Variants in GSE1 observed in about 807,000 individuals in gnomAD.
The protein encoded by GSE1 is genetic suppressor element 1.
GSE1 carries 32 observed loss-of-function variants against 112.6 expected under a neutral mutation model. The ratio of observed to expected loss-of-function variants is 0.28; its 90% CI spans 0.21 to 0.38. The LOEUF (loss-of-function observed/expected upper bound fraction) is 0.38, where lower values mean the gene tolerates loss of function less well. Ranked by LOEUF, GSE1 falls within the 10% of genes least tolerant of loss-of-function variation. GSE1 has a pLI of 1.00. For missense variants in GSE1, 2,348 were observed against 1,699.2 expected, an observed-to-expected ratio of 1.38 and a Z score of -6.71; for synonymous variants, 1,115 against 735.6, an observed-to-expected ratio of 1.52 and a Z score of -8.35.
intron 1 of GSE1, among the ~76,000 whole-genome samples, chr16:85,601,270 G>C (rs76955545): frequency 6.6e-6 from 1 of 151,906 alleles, no homozygotes; most frequent in East Asian, 1.9e-4. Flanking sequence ...GAGAGGTGCC[G>C]TGTGAGGGGT....
intron 1 of GSE1, among the ~76,000 whole-genome samples, chr16:85,234,859 A>G (rs190619018): frequency 0.01 from 1,572 of 152,258 alleles, 20 homozygotes; most frequent in African/African-American, 0.036. Context: ...CTGGGGGATT[A>G]GAAGGCATCT....
chr16:85,647,674 C>T (rs2050989944), intron 2 of GSE1, among the ~76,000 whole-genome samples: 1 of 152,162 alleles, frequency 6.6e-6, no homozygotes, highest in Non-Finnish European at 1.5e-5. Flanking sequence ...AGAACCTCCG[C>T]CTCCCGGGTT....
upstream of GSE1, chr16:85,611,369 C>T (rs1371470774): frequency 3.5e-6 from 2 of 579,374 alleles, no homozygotes; most frequent in Admixed American, 6.4e-5. Context: ...ATCCGCCGGC[C>T]AGTGCGGGTA....
chr16:85,215,753 C>CT (rs1228293810), intron 1 of GSE1, among the ~76,000 whole-genome samples: 2 of 152,132 alleles, frequency 1.3e-5, no homozygotes, highest in South Asian at 2.1e-4. Flanking sequence ...AGCACACATT[C>CT]TGGGGGGGTG....
Position 85,657,514 on chromosome 16 carries a change from A to T in GSE1, c.1550A>T (p.Glu517Val). Residue 517 changes from glutamate (E) to valine (V), a missense_variant, in exon 8 of 16, where the codon GAG becomes GTG. By Grantham distance (121) the Glu-to-Val change is moderately radical. Transcript: ENST00000253458. ...GAGGACCGGCAGTCTCAGGTGTCCG[A>T]GTTCCGGCAGCAGGTGCTGGAGCAG... ...EKEDRQSQVS[E>V]FRQQVLEQHL... 1 of 1,605,276 alleles carries T rather than the reference A, an allele frequency of 6.2e-7. No individual in the cohort carries two copies. Among genetic ancestry groups the T allele is most frequent in the Non-Finnish European group, 8.5e-7 (1 of 1,176,468 alleles).
intron 1 of GSE1, among the ~76,000 whole-genome samples, chr16:85,624,300 G>A (rs1487824184): frequency 6.6e-6 from 1 of 152,212 alleles, no homozygotes; most frequent in Non-Finnish European, 1.5e-5. Context: ...TCCCACAGGA[G>A]CAGGTGCAAT....
In GSE1 at chr16:85,245,965, T is replaced by G. The variant is rs1301806974; in HGVS notation, c.2283+74158T>G. On this transcript the variant is annotated intron_variant, in intron 1 of 2. Transcript: ENST00000637419. ...TTAGTTGGGGAGCAGGGCGTGTGTG[T>G]GTGGGGGGCTGTCTGGGTGTGTTAG... is the stretch of plus-strand genomic sequence containing the variant. 4.7e-5 allele frequency among the ~76,000 whole-genome samples: 7 copies of G among 147,842 alleles called. No individual in the cohort carries two copies. The East Asian group carries it at 9.9e-4, about 21-fold the overall frequency.
chr16:85,376,875 T>A (rs2047432258), intron 2 of GSE1, among the ~76,000 whole-genome samples: 1 of 152,218 alleles, frequency 6.6e-6, no homozygotes, highest in South Asian at 2.1e-4. Context: ...CATAGGCCTC[T>A]CTGCACACCC....
At chr16:85,643,352 C>T (rs1033464092) in intron 2 of GSE1, among the ~76,000 whole-genome samples, 7 of 152,282 alleles carry the variant, frequency 4.6e-5, no homozygotes, top group East Asian at 3.9e-4. Context: ...ATGGGCCTGG[C>T]GTTGTGGGGG....
At chr16:85,287,566 C>T (rs2045073697) in intron 1 of GSE1, among the ~76,000 whole-genome samples, 1 of 152,150 alleles carries the variant, frequency 6.6e-6, no homozygotes, top group African/African-American at 2.4e-5. Flanking sequence ...CCGCTGCCCC[C>T]TCTGCCTGGA....
At chr16:85,197,395 G>C (rs554594038) in intron 1 of GSE1, among the ~76,000 whole-genome samples, 33 of 152,232 alleles carry the variant, frequency 2.2e-4, no homozygotes, top group African/African-American at 7.7e-4. Context: ...TCTTCCTCGG[G>C]GAATTTCTTA....
At chr16:85,647,721 G>A (rs2050994679) in intron 2 of GSE1, among the ~76,000 whole-genome samples, 1 of 152,198 alleles carries the variant, frequency 6.6e-6, no homozygotes, top group South Asian at 2.1e-4. Flanking sequence ...CGAGTAGCTG[G>A]GACTACAGGC....
intron 1 of GSE1, among the ~76,000 whole-genome samples, chr16:85,272,119 C>T (rs1044986826): frequency 2.6e-5 from 4 of 152,248 alleles, no homozygotes; most frequent in Non-Finnish European, 5.9e-5. Flanking sequence ...CACCATGCGG[C>T]CGCCATTAGC....
chr16:85,338,984 C>T (rs985214540), intron 1 of GSE1, among the ~76,000 whole-genome samples: 5 of 152,110 alleles, frequency 3.3e-5, no homozygotes, highest in Admixed American at 6.6e-5. Context: ...TCGTCGGTTT[C>T]GGTGTTGGGG....
At chr16:85,591,142 G>T (rs2046986959) in intron 1 of GSE1, among the ~76,000 whole-genome samples, 1 of 152,174 alleles carries the variant, frequency 6.6e-6, no homozygotes, top group African/African-American at 2.4e-5. Context: ...GGCAAAATTG[G>T]GGTCCTTCCC....
chr16:85,413,930 G>T (rs2048644510), intron 2 of GSE1, among the ~76,000 whole-genome samples: 1 of 152,148 alleles, frequency 6.6e-6, no homozygotes, highest in Non-Finnish European at 1.5e-5. Flanking sequence ...TTCCCCCTTT[G>T]CTCAGCACTT....
At position 85,233,523 on chromosome 16, in the gene GSE1, T is replaced by C. The variant is rs539245636; in HGVS notation, c.2283+61716T>C. Among the ~76,000 whole-genome samples the C allele has an allele frequency of 2.0e-5, 3 of 152,310 alleles. No individual in the cohort carries two copies. The East Asian group carries it at 5.8e-4, about 29-fold the overall frequency. ...ACACATGTGCCTGTGTGTTCATGTATGTTCATGCACACATGTTGTACAGTG... is the reference window on the plus strand; with the variant it reads ...ACACATGTGCCTGTGTGTTCATGTACGTTCATGCACACATGTTGTACAGTG... On this transcript the variant is annotated intron_variant, in intron 1 of 2. Coordinates refer to the GSE1 transcript ENST00000637419.
At chr16:85,326,307 G>A (rs2046227625) in intron 1 of GSE1, among the ~76,000 whole-genome samples, 1 of 152,224 alleles carries the variant, frequency 6.6e-6, no homozygotes, top group South Asian at 2.1e-4. Context: ...GACCTTAAGT[G>A]AGTTAATTAA....
chr16:85,474,832 T>C (rs980824530), intron 2 of GSE1, among the ~76,000 whole-genome samples: 3 of 152,060 alleles, frequency 2.0e-5, no homozygotes, highest in African/African-American at 7.2e-5. Flanking sequence ...CTTGTGCCAG[T>C]TTCCGAAAAG....
Sources: allele counts gnomAD v4.1 joint callset (sites outside exome capture counted in the v4.1 genomes callset), GRCh38; gene constraint gnomAD v4.1.1; transcripts MANE v1.5; gene names NCBI Gene and HGNC (gene_info 2026-07-23, HGNC 2026-07-21).